The following GORASP2 variants were observed in gnomAD, a reference collection of about 807,000 sequenced individuals.
GORASP2 encodes the protein Golgi reassembly-stacking protein 2.
Under a neutral mutation model 45.7 loss-of-function variants are expected in GORASP2, and 22 were observed. The observed-to-expected ratio is 0.48, with a 90% CI of 0.34 to 0.69. GORASP2 has a LOEUF of 0.69. Among genes scored for constraint, GORASP2 ranks in the 30% least tolerant of loss-of-function variants. The pLI is 0.01. For missense variants in GORASP2, 491 were observed against 562.7 expected, an observed-to-expected ratio of 0.87 and a Z score of 1.29; for synonymous variants, 221 against 215.6, an observed-to-expected ratio of 1.02 and a Z score of -0.22.
In GORASP2 at chr2:170,949,755, T is replaced by G; in HGVS notation, c.348+13T>G. ...TTGGCATGTGCTGGTACGTATCAAC[T>G]GTGAACTGTTACTGGAGGTTCATGA... is the stretch of plus-strand genomic sequence containing the variant. On this transcript the variant is annotated intron_variant, in intron 3 of 9. Coordinates refer to ENST00000234160, the MANE Select transcript of GORASP2 (RefSeq NM_015530.5). The G allele has an allele frequency of 1.3e-6, 2 of 1,557,886 alleles. No individual in the cohort carries two copies. Among genetic ancestry groups the G allele is most frequent in the Non-Finnish European group, 1.8e-6 (2 of 1,128,670 alleles).
At chr2:170,941,313 A>G (rs1704072627) in intron 1 of GORASP2, among the ~76,000 whole-genome samples, 1 of 152,080 alleles carries the variant, frequency 6.6e-6, no homozygotes, top group African/African-American at 2.4e-5. Flanking sequence ...CTGCTTTATT[A>G]TGTTTCTTAA....
In GORASP2 at chr2:170,949,712, T is replaced by A; in HGVS notation, c.318T>A (p.Asp106Glu). 1 of 1,613,944 alleles carries A rather than the reference T, an allele frequency of 6.2e-7. No homozygotes were observed. Among genetic ancestry groups the A allele is most frequent in the Non-Finnish European group, 8.5e-7 (1 of 1,179,812 alleles). The stretch of plus-strand genomic sequence containing the variant: ...TGAGCATTCGTTTCTGCAGCTTTGA[T>A]GGGGCAAATGAAAATGTTTGGCATG... ...LGVSIRFCSF[D>E]GANENVWHVL... The change falls in exon 3 of 10, where the codon GAT (aspartate) becomes GAA (glutamate). Residue 106 changes from aspartate (D) to glutamate (E), a missense_variant. Asp to Glu is a conservative substitution (Grantham distance 45). Transcript: ENST00000234160.
intron 1 of GORASP2, among the ~76,000 whole-genome samples, chr2:170,932,236 AAG>A (rs536809368): frequency 7.9e-4 from 121 of 152,290 alleles, no homozygotes; most frequent in African/African-American, 2.7e-3. Flanking sequence ...TCAAAAAAAA[AAG>A]AGTCTCTTCT....
intron 1 of GORASP2, chr2:170,929,830 A>G (rs1168938974): frequency 4.3e-6 from 2 of 465,840 alleles, no homozygotes; most frequent in Non-Finnish European, 8.9e-6. Context: ...AGGGATCCGG[A>G]CCCGCAGTCC....
intron 2 of GORASP2, chr2:170,948,828 T>G (rs1196884168): frequency 1.3e-5 from 2 of 158,192 alleles, no homozygotes; most frequent in African/African-American, 4.8e-5. Context: ...TTTCACAATA[T>G]ATGAATAATG....
intron 1 of GORASP2, among the ~76,000 whole-genome samples, chr2:170,942,760 G>A (rs1184259225): frequency 6.6e-6 from 1 of 152,182 alleles, no homozygotes; most frequent in African/African-American, 2.4e-5. Flanking sequence ...AACTTTGTGT[G>A]TAACATTTTG....
At chr2:170,954,838 G>T (rs528720535) in intron 6 of GORASP2, 56 bp downstream of exon 6, 1 of 1,386,132 alleles carries the variant, frequency 7.2e-7, no homozygotes, top group East Asian at 2.3e-5. Flanking sequence ...AACGAGTCAC[G>T]TGTTTCAGTG....
chr2:170,957,922 T>C (rs1045327231), intron 7 of GORASP2, among the ~76,000 whole-genome samples: 5 of 152,170 alleles, frequency 3.3e-5, no homozygotes, highest in Admixed American at 1.3e-4. Context: ...GCCTCCCAAA[T>C]TGTTGGTATT....
chr2:170,964,000 T>A (rs905718690), intron 9 of GORASP2, among the ~76,000 whole-genome samples: 1 of 152,208 alleles, frequency 6.6e-6, no homozygotes, highest in Admixed American at 6.5e-5. Flanking sequence ...GTGAATATTC[T>A]CCATTATTTA....
intron 1 of GORASP2, among the ~76,000 whole-genome samples, chr2:170,938,248 T>G (rs945371001): frequency 6.6e-6 from 1 of 152,264 alleles, no homozygotes; most frequent in African/African-American, 2.4e-5. Context: ...TGCATTATTG[T>G]GTAGAACCAG....
intron 7 of GORASP2, among the ~76,000 whole-genome samples, chr2:170,957,555 C>T (rs1309150897): frequency 1.3e-5 from 2 of 152,128 alleles, no homozygotes; most frequent in South Asian, 2.1e-4. Context: ...GGATTATAGG[C>T]GTGAGCCACT....
chr2:170,956,368 G>T, intron 6 of GORASP2, 68 bp from the exon 7 acceptor site: 1 of 1,397,276 alleles, frequency 7.2e-7, no homozygotes, highest in Non-Finnish European at 9.7e-7. Context: ...GCAAGTAAGA[G>T]CCAATATTTA....
intron 4 of GORASP2, among the ~76,000 whole-genome samples, chr2:170,950,821 C>A (rs1041935792): frequency 3.3e-5 from 5 of 151,892 alleles, no homozygotes; most frequent in Non-Finnish European, 7.4e-5. Context: ...GTCTCTACAA[C>A]AAATACAAAA....
intron 2 of GORASP2, chr2:170,948,691 T>C: frequency 4.2e-6 from 1 of 235,794 alleles, no homozygotes; most frequent in Non-Finnish European, 8.0e-6. Context: ...CAGAAAGAAA[T>C]AATTAAGATG....
At chr2:170,945,324 T>A (rs1369294663) in intron 1 of GORASP2, among the ~76,000 whole-genome samples, 1 of 151,928 alleles carries the variant, frequency 6.6e-6, no homozygotes, top group Non-Finnish European at 1.5e-5. Context: ...TAGCTGAGCA[T>A]GGTGGTACAC....
chr2:170,944,521 G>T (rs1048636311), intron 1 of GORASP2, among the ~76,000 whole-genome samples: 1 of 152,144 alleles, frequency 6.6e-6, no homozygotes, highest in Non-Finnish European at 1.5e-5. Context: ...GTTTATTTTA[G>T]AATTCAAATT....
At chr2:170,929,474 C>T (rs1271201047) in intron 1 of GORASP2, 71 bp downstream of exon 1, 3 of 1,164,644 alleles carry the variant, frequency 2.6e-6, no homozygotes, top group Admixed American at 4.1e-5. Context: ...GCGGAGGCCC[C>T]CATGGGCTCC....
At chr2:170,929,659 A>G (rs2676158) in intron 1 of GORASP2, 573,949 of 612,278 alleles carry the variant, frequency 0.94, 270,702 homozygotes, top group East Asian at 1. Flanking sequence ...CGACTCGGCC[A>G]GGGGGCGGCC....
chr2:170,941,873 A>G (rs6730318), intron 1 of GORASP2, among the ~76,000 whole-genome samples: 5,670 of 152,218 alleles, frequency 0.037, 319 homozygotes, highest in African/African-American at 0.13. Context: ...TTGGGTATAT[A>G]CCCAAGGTTG....
Sources: gnomAD v4.1 joint callset for allele counts (sites outside exome capture counted in the v4.1 genomes callset) on GRCh38, gnomAD v4.1.1 for gene constraint, MANE v1.5 for transcripts, NCBI Gene and HGNC (gene_info 2026-07-23, HGNC 2026-07-21) for gene names.